LONP1: variants seen among roughly 807,000 people sequenced by gnomAD.
LONP1 encodes the protein lon protease homolog, mitochondrial.
LONP1 carries 31 observed loss-of-function variants against 98.5 expected under a neutral mutation model. The observed-to-expected ratio is 0.31, with a 90% confidence interval of 0.24 to 0.42. LONP1 has a LOEUF of 0.42. Among genes scored for constraint, LONP1 ranks in the 20% least tolerant of loss-of-function variants. The probability of loss-of-function intolerance (pLI) is 1.00; values close to 1 mark genes in which losing one functional copy is unlikely to be tolerated. For missense variants in LONP1, 1,336 were observed against 1,350.6 expected (o/e 0.99, Z 0.17); for synonymous variants, 781 against 594.7 (o/e 1.31, Z -4.56).
Position 5,713,189 on chromosome 19 carries a change from G to T in LONP1, c.583C>A (p.His195Asn). 6.2e-7 allele frequency: 1 copy of T among 1,614,136 alleles called. No individual in the cohort carries two copies. The highest frequency in any genetic ancestry group is 1.1e-5 in the South Asian group (1 of 91,082). ...IYHTGTFAQIHEMQDLGDKLR... is the reference protein window; with the variant it reads ...IYHTGTFAQINEMQDLGDKLR... The stretch of plus-strand genomic sequence containing the variant: ...TTGTCCCCAAGGTCCTGCATCTCAT[G>T]GATCTGGGCAAACGTCCCCGTGTGG... The change falls in exon 3 of 18, where the codon CAT becomes AAT. Residue 195 changes from histidine to asparagine, a missense_variant. His to Asn is a moderately conservative substitution (Grantham distance 68). Transcript: ENST00000360614.
In LONP1 at chr19:5,699,180, C is replaced by A. The variant is rs374217265; in HGVS notation, c.1532G>T (p.Arg511Leu). The change falls in exon 10 of 18, where the codon CGC becomes CTC. Residue 511 changes from arginine to leucine, a missense_variant. Physicochemically the swap from Arg to Leu is moderately radical, Grantham distance 102. Around this residue, in one of 5 missense-constraint regions of LONP1, gnomAD observed 219 missense variants for 241.0 expected, o/e 0.91. Coordinates refer to ENST00000360614, the MANE Select transcript of LONP1 (RefSeq NM_004793.4). The part of the protein sequence containing the change: ...ILEFIAVSQL[R>L]GSTQGKILCF... The stretch of plus-strand genomic sequence containing the variant: ...GAGGATCTTGCCCTGGGTGGAGCCG[C>A]GGAGCTGGCTAACGGCAATGAACTC... 2.6e-6 allele frequency: 4 copies of A among 1,512,408 alleles called. No individual in the cohort carries two copies. In the African/African-American group the frequency reaches 4.2e-5, roughly 16 times the overall value. The allele number at this position is 1,512,408 out of a possible 1,614,324, so 93.7% of individuals were successfully genotyped here.
chr19:5,715,083 A>C (rs529304318), intron 1 of LONP1: 2 of 147,630 alleles, frequency 1.4e-5, no homozygotes, highest in East Asian at 4.0e-4. Context: ...GCTGGAGGCC[A>C]GGAGGCTGTG....
chr19:5,717,293 T>C (rs2055339042), intron 1 of LONP1: 1 of 152,170 alleles, frequency 6.6e-6, no homozygotes, highest in Non-Finnish European at 1.5e-5. Context: ...AAACATTTAT[T>C]GGGTCCCAAA....
At chr19:5,713,374 A>T (rs759335213) in intron 2 of LONP1, 121 bp from the exon 3 acceptor site, 142 of 1,281,342 alleles carry the variant, frequency 1.1e-4, no homozygotes, top group Non-Finnish European at 1.5e-4. Context: ...CTGAAAACCA[A>T]GAGCGGCCTC....
intron 10 of LONP1, among the ~76,000 whole-genome samples, chr19:5,698,729 C>T (rs2054988318): frequency 6.6e-6 from 1 of 152,224 alleles, no homozygotes. Flanking sequence ...CAGCTCTGGC[C>T]CGGGCATTGC....
At chr19:5,702,360 G>T (rs1243118218) in intron 8 of LONP1, among the ~76,000 whole-genome samples, 1 of 149,030 alleles carries the variant, frequency 6.7e-6, no homozygotes, top group East Asian at 2.0e-4. Context: ...AGGTGGGGGG[G>T]TCAGCCCCCC....
intron 9 of LONP1, among the ~76,000 whole-genome samples, chr19:5,699,686 T>G (rs1415707234): frequency 1.3e-5 from 2 of 151,160 alleles, no homozygotes; most frequent in African/African-American, 4.9e-5. Context: ...GCCTCCTGAG[T>G]AGCTGGGATT....
intron 17 of LONP1, among the ~76,000 whole-genome samples, chr19:5,692,494 A>G (rs2054844553): frequency 6.6e-6 from 1 of 152,082 alleles, no homozygotes; most frequent in Non-Finnish European, 1.5e-5. Flanking sequence ...AGGGCTCTGG[A>G]TGAGCCACAC....
chr19:5,693,760 G>A lies in LONP1; in HGVS notation c.2330C>T (p.Thr777Met), dbSNP rs745493081. Residue 777 changes from threonine to methionine, a missense_variant, in exon 16 of 18, where the codon ACG (threonine) becomes ATG (methionine). Physicochemically the swap from Thr to Met is moderately conservative, Grantham distance 81. Around this residue, in one of 5 missense-constraint regions of LONP1, gnomAD observed 555 missense variants for 542.6 expected, o/e 1.02. Transcript: ENST00000360614. ...GLAWTAMGGS[T>M]LFVETSLRRP... ...TCTCAGGGATGTCTCCACAAACAGC[G>A]TGGAGCCTCCTGAAACAGGTGTGGA... The A allele has an allele frequency of 1.9e-5, 30 of 1,613,558 alleles. No individual in the cohort carries two copies. The highest frequency in any genetic ancestry group is 8.9e-5 in the East Asian group (4 of 44,864).
chr19:5,694,940 T>G (rs745602679), intron 13 of LONP1, 39 bp from the exon 14 acceptor site: 4 of 1,576,746 alleles, frequency 2.5e-6, no homozygotes, highest in Admixed American at 1.7e-5. Flanking sequence ...TGGAGGGACC[T>G]TGCCCACCAG....
chr19:5,714,623 T>C (rs1297858850), intron 1 of LONP1, among the ~76,000 whole-genome samples: 9 of 147,722 alleles, frequency 6.1e-5, no homozygotes, highest in African/African-American at 1.8e-4. Flanking sequence ...CTTTTCTTTT[T>C]TTTTTTTTTT....
chr19:5,694,659 A>ATGGGCGCGGGGGGGTGGGGTGT, intron 14 of LONP1, 102 bp downstream of exon 14: 1 of 1,563,328 alleles, frequency 6.4e-7, no homozygotes, highest in Non-Finnish European at 8.7e-7. Context: ...TGGTGGGGTG[A>ATGGGCGCGGGGGGGTGGGGTGT]TGGGCGCAGG....
intron 11 of LONP1, 73 bp from the exon 12 acceptor site, chr19:5,696,444 G>A (rs1276227125): frequency 2.6e-6 from 4 of 1,567,618 alleles, no homozygotes; most frequent in South Asian, 2.4e-5. Flanking sequence ...AGACCCCAGG[G>A]TCAGGGCTGG....
At chr19:5,712,032 A>C (rs771765169) in intron 3 of LONP1, 30 bp from the exon 4 acceptor site, 1 of 1,580,454 alleles carries the variant, frequency 6.3e-7, no homozygotes, top group East Asian at 2.3e-5. Flanking sequence ...GGTGTGAATC[A>C]GCCGCTGAGG....
Position 5,719,778 on chromosome 19 carries a change from C to T in LONP1, c.355G>A (p.Asp119Asn). The T allele has an allele frequency of 1.2e-6, 2 of 1,613,378 alleles. No homozygotes were observed. Among genetic ancestry groups the T allele is most frequent in the Non-Finnish European group, 1.7e-6 (2 of 1,179,990 alleles). ...ITALTPMTIP[D>N]VFPHLPLIAI... is the part of the protein sequence containing the mutation. ...ATGAGCGGCAGGTGCGGAAACACAT[C>T]GGGGATCGTCATGGGCGTGAGCGCC... Residue 119 changes from aspartate to asparagine, a missense_variant, in exon 1 of 18, where the codon GAT becomes AAT. By Grantham distance (23) the Asp-to-Asn change is conservative. Around this residue, in one of 5 missense-constraint regions of LONP1, gnomAD observed 457 missense variants for 403.1 expected, o/e 1.13. Transcript: ENST00000360614.
intron 8 of LONP1, among the ~76,000 whole-genome samples, chr19:5,701,271 C>T (rs551717339): frequency 6.6e-6 from 1 of 152,316 alleles, no homozygotes; most frequent in East Asian, 1.9e-4. Context: ...CGGTGAAACC[C>T]TGTCTCTACT....
chr19:5,693,104 C>G (rs1477856753), intron 17 of LONP1, among the ~76,000 whole-genome samples, 194 bp downstream of exon 17: 1 of 152,230 alleles, frequency 6.6e-6, no homozygotes, highest in African/African-American at 2.4e-5. Context: ...TCAGAATGTT[C>G]TCCACAAGAC....
chr19:5,707,668 G>A, intron 6 of LONP1, 29 bp downstream of exon 6: 26 of 1,593,314 alleles, frequency 1.6e-5, no homozygotes, highest in Non-Finnish European at 2.1e-5. Flanking sequence ...AGCCAGGCGT[G>A]GGGGGCTGTG....
rs755774542 is a variant in LONP1 at position 5,709,907 on chromosome 19, C to CAAAAAAAAAAAAAAAA, written c.871-1520_871-1505dup. Reference sequence around the variant, plus strand: ...AGCCTGGGCGACAGAGGCTCCATCTCAAAAAAAAAAAAAAAAAAAAAAAAA... The same window carrying CAAAAAAAAAAAAAAAA: ...AGCCTGGGCGACAGAGGCTCCATCTCAAAAAAAAAAAAAAAAAAAAAAAAAAAAAAAAAAAAAAAAA... On this transcript the variant is annotated intron_variant, in intron 4 of 17. Transcript: ENST00000360614. Among the ~76,000 whole-genome samples the CAAAAAAAAAAAAAAAA allele has an allele frequency of 1.2e-3, 46 of 38,674 alleles. 2 individuals carry two copies. The highest frequency in any genetic ancestry group is 1.7e-3 in the Non-Finnish European group (40 of 23,482). The allele number at this position is 38,674 out of a possible 152,430, so 25.4% of individuals were successfully genotyped here.
Sources: allele counts gnomAD v4.1 joint callset (sites outside exome capture counted in the v4.1 genomes callset), GRCh38; gene constraint gnomAD v4.1.1; regional missense constraint gnomAD v4.1.1; transcripts MANE v1.5; gene names NCBI Gene and HGNC (gene_info 2026-07-23, HGNC 2026-07-21).